Variants in PRKN observed in about 807,000 individuals in gnomAD.
The protein encoded by PRKN is E3 ubiquitin-protein ligase parkin.
In PRKN, 56 loss-of-function variants were observed where a neutral mutation model predicts 59.5. That is an observed-to-expected ratio of 0.94 (90% confidence interval 0.76 to 1.18). The LOEUF is 1.18. Among genes scored for constraint, PRKN ranks in the 50% most tolerant of loss-of-function variants. PRKN has a pLI of 0.00. For synonymous variants in PRKN, 250 were observed against 222.1 expected, an observed-to-expected ratio of 1.13 and a Z score of -1.12; for missense variants, 657 against 596.4, an observed-to-expected ratio of 1.10 and a Z score of -1.06.
chr6:162,190,434 A>G (rs946463130), intron 4 of PRKN, among the ~76,000 whole-genome samples: 1 of 152,166 alleles, frequency 6.6e-6, no homozygotes, highest in Non-Finnish European at 1.5e-5. Context: ...TCAACCTTAT[A>G]AGAAAACTAA....
intron 11 of PRKN, among the ~76,000 whole-genome samples, chr6:161,351,624 C>T (rs1001474964): frequency 3.3e-5 from 5 of 152,100 alleles, no homozygotes; most frequent in African/African-American, 1.2e-4. Flanking sequence ...CGCACCCAGC[C>T]AGCATATTAT....
intron 2 of PRKN, among the ~76,000 whole-genome samples, chr6:162,437,465 T>A (rs1789834072): frequency 6.6e-6 from 1 of 152,098 alleles, no homozygotes; most frequent in Non-Finnish European, 1.5e-5. Flanking sequence ...AGTGGTAACA[T>A]CTTGCCAAGC....
chr6:161,516,925 C>T (rs937213198), intron 9 of PRKN, among the ~76,000 whole-genome samples: 2 of 150,900 alleles, frequency 1.3e-5, no homozygotes, highest in Non-Finnish European at 3.0e-5. Context: ...TGAATTGATG[C>T]TTTCAGTAAG....
In PRKN at chr6:161,447,421, T is replaced by G. The variant is rs2115109587; in HGVS notation, c.1084-60544A>C. 6.6e-6 allele frequency among the ~76,000 whole-genome samples: 1 copy of G among 152,304 alleles called. No individual in the cohort carries two copies. The highest frequency in any genetic ancestry group is 2.4e-5 in the African/African-American group (1 of 41,560). ...AAATAACTTTTCTTCTGTGTATTGG[T>G]TTAAGTTTAGAAAAGGCCCCCTGTA... On this transcript the variant is annotated intron_variant, in intron 9 of 11. Coordinates refer to ENST00000366898, the MANE Select transcript of PRKN (RefSeq NM_004562.3). The surrounding 1 kb of genome is among the most constrained non-coding windows in gnomAD (Gnocchi z 4.1).
chr6:162,468,618 A>G (rs1045110848), intron 1 of PRKN, among the ~76,000 whole-genome samples: 1 of 152,206 alleles, frequency 6.6e-6, no homozygotes, highest in Non-Finnish European at 1.5e-5. Context: ...TGGGTTTGGT[A>G]CTAGAGAGTG....
intron 9 of PRKN, among the ~76,000 whole-genome samples, chr6:161,517,613 G>A (rs1267399500): frequency 5.3e-5 from 8 of 151,854 alleles, no homozygotes; most frequent in East Asian, 3.9e-4. Context: ...GGTGGCGGTC[G>A]CCTGTAGTCC....
At chr6:162,470,587 T>C (rs952055729) in intron 1 of PRKN, among the ~76,000 whole-genome samples, 3 of 147,720 alleles carry the variant, frequency 2.0e-5, no homozygotes, top group Non-Finnish European at 4.6e-5. Context: ...CGAAACTCTG[T>C]CTCAAAAAAA....
chr6:161,430,814 C>CAG (rs1788606522), intron 9 of PRKN, among the ~76,000 whole-genome samples: 1 of 58,340 alleles, frequency 1.7e-5, no homozygotes, highest in African/African-American at 7.1e-5. Context: ...GACTCCGTCT[C>CAG]AAAAAAAAAA....
chr6:161,983,810 GACAC>G (rs1781332618), intron 5 of PRKN, among the ~76,000 whole-genome samples: 1 of 112,902 alleles, frequency 8.9e-6, no homozygotes, highest in African/African-American at 3.7e-5. Context: ...AATGCTAGAT[GACAC>G]ATTAGTGGGT....
intron 9 of PRKN, among the ~76,000 whole-genome samples, chr6:161,493,495 T>C (rs1181559986): frequency 6.6e-6 from 1 of 152,206 alleles, no homozygotes; most frequent in African/African-American, 2.4e-5. Context: ...CCTCTGCTAA[T>C]GGAAGGTACT....
At chr6:162,373,496 G>C (rs1003673054) in intron 2 of PRKN, among the ~76,000 whole-genome samples, 26 of 152,022 alleles carry the variant, frequency 1.7e-4, no homozygotes, top group African/African-American at 6.3e-4. Flanking sequence ...GTAAGGGATT[G>C]ATTTTTTTTC....
chr6:162,594,160 A>C (rs565200073), intron 1 of PRKN, among the ~76,000 whole-genome samples: 2 of 152,232 alleles, frequency 1.3e-5, no homozygotes, highest in East Asian at 3.9e-4. Context: ...AAACAAACAA[A>C]AAAAAAACTA....
chr6:161,350,907 A>AT (rs1382754479), intron 11 of PRKN, among the ~76,000 whole-genome samples: 4 of 93,732 alleles, frequency 4.3e-5, no homozygotes, highest in African/African-American at 1.4e-4. Flanking sequence ...ATATAAATAT[A>AT]TTTTATATAT....
At chr6:162,525,864 A>AT (rs942295632) in intron 1 of PRKN, among the ~76,000 whole-genome samples, 16 of 152,238 alleles carry the variant, frequency 1.1e-4, no homozygotes, top group African/African-American at 3.6e-4. Flanking sequence ...ATTTATTATT[A>AT]TTCTTTGGAG....
At chr6:162,534,391 T>TC (rs1778634571) in intron 1 of PRKN, among the ~76,000 whole-genome samples, 2 of 152,140 alleles carry the variant, frequency 1.3e-5, no homozygotes, top group Non-Finnish European at 2.9e-5. Flanking sequence ...CTTTTCTTTT[T>TC]CCCTTCTTTG....
intron 2 of PRKN, among the ~76,000 whole-genome samples, chr6:162,295,855 A>T (rs1410899346): frequency 6.6e-6 from 1 of 152,154 alleles, no homozygotes; most frequent in Non-Finnish European, 1.5e-5. Flanking sequence ...ATGCCCCTTG[A>T]CAGGCAGGGA....
At chr6:162,171,245 G>A (rs1191824741) in intron 4 of PRKN, among the ~76,000 whole-genome samples, 1 of 152,096 alleles carries the variant, frequency 6.6e-6, no homozygotes, top group Admixed American at 6.5e-5. Flanking sequence ...CTGGAAGGAG[G>A]AGGATAGAAG....
chr6:162,221,002 A>G (rs1437314160), intron 3 of PRKN, among the ~76,000 whole-genome samples: 1 of 152,176 alleles, frequency 6.6e-6, no homozygotes. Flanking sequence ...ATTTTCAAAG[A>G]GTTAGATGAG....
rs957398786 is a variant in PRKN, at chr6:161,872,512, G to A, written c.735-86604C>T. Among the ~76,000 whole-genome samples, 9 of 151,974 alleles carry A rather than the reference G, an allele frequency of 5.9e-5. No homozygotes were observed. In the East Asian group the frequency reaches 9.7e-4, roughly 16 times the overall value. On this transcript the variant is annotated intron_variant, in intron 6 of 11. Coordinates refer to ENST00000366898, the MANE Select transcript of PRKN (RefSeq NM_004562.3). ...ACATACCTCATAGCCAGCATCAGGC[G>A]CTCCTGTCCTCAACTCCATGTGGGC... is the stretch of plus-strand genomic sequence containing the variant.
Sources: allele counts gnomAD v4.1 joint callset (sites outside exome capture counted in the v4.1 genomes callset), GRCh38; gene constraint gnomAD v4.1.1; non-coding constraint Gnocchi (gnomAD v3.1); transcripts MANE v1.5; gene names NCBI Gene and HGNC (gene_info 2026-07-23, HGNC 2026-07-21).